The following SEMA4A variants were observed in gnomAD, a reference collection of about 807,000 sequenced individuals.
SEMA4A encodes semaphorin-4A.
SEMA4A carries 52 observed loss-of-function variants against 72.5 expected under a neutral mutation model. The observed-to-expected ratio is 0.72, with a 90% CI of 0.57 to 0.90. The LOEUF (loss-of-function observed/expected upper bound fraction) is 0.90. SEMA4A is among the 40% of genes least tolerant of loss of function. The probability of loss-of-function intolerance (pLI) is 0.00; values close to 1 mark genes in which losing one functional copy is unlikely to be tolerated. For synonymous variants in SEMA4A, 369 were observed against 393.1 expected (o/e 0.94, Z 0.73); for missense variants, 926 against 959.7 (o/e 0.96, Z 0.46).
intron 10 of SEMA4A, among the ~76,000 whole-genome samples, chr1:156,169,451 G>A (rs1202594648): frequency 4.3e-5 from 5 of 116,330 alleles, no homozygotes; most frequent in African/African-American, 1.7e-4. Context: ...AGTCTTGCTC[G>A]CTCAGTTGCC....
chr1:156,164,269 A>G (rs910298281), intron 10 of SEMA4A, among the ~76,000 whole-genome samples: 4 of 152,130 alleles, frequency 2.6e-5, no homozygotes, highest in African/African-American at 9.7e-5. Context: ...ATTCTTTTCA[A>G]ATTTATCTCA....
chr1:156,161,329 T>G lies in SEMA4A; in HGVS notation c.811-17T>G, dbSNP rs1185394212. ...CGGGGCGCCCGGGGCGCCCCCTGAC[T>G]CCCCCTGTGCCCCCAGAATGACGTG... On this transcript the variant is annotated splice_polypyrimidine_tract_variant and intron_variant, in intron 8 of 14. Transcript: ENST00000368285. 4 of 927,650 alleles carry G rather than the reference T, an allele frequency of 4.3e-6. No homozygotes were observed. Among genetic ancestry groups the G allele is most frequent in the Admixed American group, 2.0e-5 (1 of 50,786 alleles). The allele number at this position is 927,650 out of a possible 1,614,324, so 57.5% of individuals were successfully genotyped here. A position where few individuals can be genotyped will look rare whatever the true frequency, so the allele number is the denominator to read the frequency against.
At position 156,169,201 on chromosome 1, in the gene SEMA4A, C is replaced by T. The variant is rs531659904; in HGVS notation, c.1135-3625C>T. 4.5e-4 allele frequency among the ~76,000 whole-genome samples: 69 copies of T among 152,196 alleles called. 1 individual carries two copies. The highest frequency in any genetic ancestry group is 1.5e-3 in the African/African-American group (64 of 41,520). ...CCAGAGGTTGCTGAGATTAGTAATT[C>T]GTGAACTTTAGGAATCCTGCCTTCC... On this transcript the variant is annotated intron_variant, in intron 10 of 14. Transcript: ENST00000368285.
chr1:156,161,131 G>A (rs1198661163), intron 8 of SEMA4A, 102 bp downstream of exon 8: 1 of 1,294,082 alleles, frequency 7.7e-7, no homozygotes, highest in East Asian at 2.5e-5. Context: ...GCGGGGGAGC[G>A]GGGCGGGGAA....
rs751648906 is a variant in SEMA4A at position 156,158,763 on chromosome 1, C to G, written c.507C>G (p.Val169=). ...TGTTGCCCATCTCGGAGGACAAGGT[C>G]ATGGAGGGAAAAGGCCAAAGCCCCT... The part of the protein sequence containing the change: ...SYLLPISEDK[V]MEGKGQSPFD... The change falls in exon 6 of 15, where the codon GTC becomes GTG. Residue 169 remains valine, a synonymous_variant. Coordinates refer to ENST00000368285, the MANE Select transcript of SEMA4A (RefSeq NM_022367.4). 9 of 1,613,912 alleles carry G rather than the reference C, an allele frequency of 5.6e-6. No individual in the cohort carries two copies. In the Admixed American group the frequency reaches 8.3e-5, roughly 15 times the overall value.
At chr1:156,175,280 G>A in intron 13 of SEMA4A, 37 bp downstream of exon 13, 3 of 1,587,002 alleles carry the variant, frequency 1.9e-6, no homozygotes, top group Non-Finnish European at 2.6e-6. Flanking sequence ...TGGATGGCCA[G>A]CCAGGACCCT....
chr1:156,171,782 A>T (rs12759030), intron 10 of SEMA4A, among the ~76,000 whole-genome samples: 117,569 of 147,102 alleles, frequency 0.8, 47,034 homozygotes, highest in East Asian at 0.96. Context: ...TTAATTAATT[A>T]ATTTATTTAT....
intron 13 of SEMA4A, 109 bp downstream of exon 13, chr1:156,175,352 A>G (rs2103010339): frequency 2.9e-6 from 4 of 1,375,014 alleles, no homozygotes; most frequent in Admixed American, 1.8e-5. Context: ...ATTCACTCCA[A>G]GAGTCCTCCC....
intron 2 of SEMA4A, chr1:156,154,928 T>C: frequency 9.0e-6 from 6 of 663,032 alleles, no homozygotes; most frequent in East Asian, 2.8e-5. Context: ...GGAGAGCAGA[T>C]TGAGGAAAAC....
Position 156,160,896 on chromosome 1 carries a change from C to T in SEMA4A, c.686-9C>T, listed in dbSNP as rs768801897. ...TCAGTCCCTAAGCCCATCTGCCCCT[C>T]CCCCGCAGATGACGCCTCCTTTGTG... On this transcript the variant is annotated splice_polypyrimidine_tract_variant and intron_variant, in intron 7 of 14. Coordinates refer to ENST00000368285, the MANE Select transcript of SEMA4A (RefSeq NM_022367.4). 13 of 1,613,584 alleles carry T rather than the reference C, an allele frequency of 8.1e-6. No individual in the cohort carries two copies. Among genetic ancestry groups the T allele is most frequent in the Non-Finnish European group, 1.0e-5 (12 of 1,179,912 alleles).
intron 13 of SEMA4A, 145 bp downstream of exon 13, chr1:156,175,388 T>C: frequency 1.6e-6 from 2 of 1,219,148 alleles, no homozygotes; most frequent in Admixed American, 3.6e-5. Flanking sequence ...CCTCCAGGGA[T>C]GGAGTTTCCA....
In SEMA4A at chr1:156,175,192, G is replaced by A; in HGVS notation, c.1541G>A (p.Cys514Tyr). 1 of 1,614,140 alleles carries A rather than the reference G, an allele frequency of 6.2e-7. No individual in the cohort carries two copies. The highest frequency in any genetic ancestry group is 8.5e-7 in the Non-Finnish European group (1 of 1,180,024). The change falls in exon 13 of 15, where the codon TGT becomes TAT. Residue 514 changes from cysteine (C) to tyrosine (Y), a missense_variant. Transcript: ENST00000368285. ...VDCVLARDPH[C>Y]AWDPESRTCC... ...TGTGTCCTTGCCCGGGACCCCCACTGTGCCTGGGACCCTGAGTCCCGAACC... is the reference window on the plus strand; with the variant it reads ...TGTGTCCTTGCCCGGGACCCCCACTATGCCTGGGACCCTGAGTCCCGAACC...
chr1:156,162,807 G>T, intron 9 of SEMA4A, 137 bp from the exon 10 acceptor site: 1 of 1,042,682 alleles, frequency 9.6e-7, no homozygotes, highest in South Asian at 1.3e-5. Context: ...CACAGTGAGG[G>T]GAAGGAGTGG....
upstream of SEMA4A, chr1:156,153,551 G>T: frequency 6.6e-6 from 1 of 152,466 alleles, no homozygotes. Flanking sequence ...AACTCGAGAG[G>T]TGGAAATTCC....
chr1:156,172,092 G>GTTTATTTATTTA (rs778643587), intron 10 of SEMA4A, among the ~76,000 whole-genome samples: 3 of 143,850 alleles, frequency 2.1e-5, no homozygotes, highest in African/African-American at 8.0e-5. Context: ...CTGTTTGTTT[G>GTTTATTTATTTA]TTTGTTTATT....
chr1:156,148,231 C>T (rs1323545335), upstream of SEMA4A, among the ~76,000 whole-genome samples: 2 of 152,220 alleles, frequency 1.3e-5, no homozygotes, highest in Non-Finnish European at 2.9e-5. Context: ...CACCTGCTTC[C>T]TTCCTGTTAT....
chr1:156,176,401 A>G lies in SEMA4A; in HGVS notation c.1694-4A>G. 1.3e-6 allele frequency: 2 copies of G among 1,598,694 alleles called. No homozygotes were observed. Among genetic ancestry groups the G allele is most frequent in the East Asian group, 2.2e-5 (1 of 44,802 alleles). On this transcript the variant is annotated splice_region_variant and splice_polypyrimidine_tract_variant and intron_variant, in intron 14 of 14. Coordinates refer to ENST00000368285, the MANE Select transcript of SEMA4A (RefSeq NM_022367.4). ...ACCCTTTTGCTCCTTTCTTTCTCCT[A>G]CAGTTAAAGAAGTCCTGGCTGTCCC...
Position 156,161,413 on chromosome 1 carries a change from G to A in SEMA4A, c.878G>A (p.Cys293Tyr). The A allele has an allele frequency of 6.3e-7, 1 of 1,580,206 alleles. No homozygotes were observed. Among genetic ancestry groups the A allele is most frequent in the Non-Finnish European group, 8.6e-7 (1 of 1,158,592 alleles). ...WTTFLKAQLL[C>Y]TQPGQLPFNV... ...ACCTTCCTGAAGGCCCAGCTGCTCT[G>A]CACCCAGCCGGGGCAGCTGCCCTTC... is the stretch of plus-strand genomic sequence containing the variant. Residue 293 changes from cysteine to tyrosine, a missense_variant, in exon 9 of 15, where the codon TGC becomes TAC. Transcript: ENST00000368285.
chr1:156,160,945 C>A lies in SEMA4A; in HGVS notation c.726C>A (p.Val242=). The part of the protein sequence containing the change: ...SFVAAIPSTQ[V]VYFFFEETAS... The stretch of plus-strand genomic sequence containing the variant: ...TGGCAGCCATCCCTTCGACCCAGGT[C>A]GTCTACTTCTTCTTCGAGGAGACAG... Residue 242 remains valine, a synonymous_variant, in exon 8 of 15, where the codon GTC becomes GTA. Coordinates refer to ENST00000368285, the MANE Select transcript of SEMA4A (RefSeq NM_022367.4). 6.2e-7 allele frequency: 1 copy of A among 1,613,388 alleles called. No homozygotes were observed. The highest frequency in any genetic ancestry group is 1.3e-5 in the African/African-American group (1 of 74,774).
Sources: allele counts gnomAD v4.1 joint callset (sites outside exome capture counted in the v4.1 genomes callset), GRCh38; gene constraint gnomAD v4.1.1; transcripts MANE v1.5; gene names NCBI Gene and HGNC (gene_info 2026-07-23, HGNC 2026-07-21).